The following SGCD variants were observed in gnomAD, a reference collection of about 807,000 sequenced individuals.
SGCD encodes the protein delta-sarcoglycan.
In SGCD, 18 loss-of-function variants were observed where a neutral mutation model predicts 36.6. The observed-to-expected ratio is 0.49, with a 90% confidence interval of 0.34 to 0.73. The LOEUF (loss-of-function observed/expected upper bound fraction) is 0.73. Among genes scored for constraint, SGCD ranks in the 30% least tolerant of loss-of-function variants. The pLI, the probability that SGCD is intolerant of heterozygous loss-of-function variation, is 0.01. For missense variants in SGCD, 387 were observed against 346.7 expected (o/e 1.12, Z -0.92); for synonymous variants, 133 against 130.6 (o/e 1.02, Z -0.12).
At chr5:156,345,964 G>T (rs1320427089) in intron 3 of SGCD, among the ~76,000 whole-genome samples, 2 of 151,880 alleles carry the variant, frequency 1.3e-5, no homozygotes, top group Admixed American at 6.6e-5. Context: ...TGCTACTCCT[G>T]TAGTTCCATT....
Position 155,930,473 on chromosome 5 carries a change from C to A in SGCD, c.-282+60049C>A, listed in dbSNP as rs530034661. Among the ~76,000 whole-genome samples the A allele has an allele frequency of 2.5e-3, 374 of 152,296 alleles. 2 individuals carry two copies. The highest frequency in any genetic ancestry group is 4.5e-3 in the Non-Finnish European group (303 of 68,008). ...GAAGAGAGTGAATTAGAAAGAAAAA[C>A]ACACAATAGGTTCTCTGATATTGTT... On this transcript the variant is annotated intron_variant, in intron 1 of 9. Coordinates refer to the SGCD transcript ENST00000517913.
chr5:156,251,608 C>CCG, intron 3 of SGCD, among the ~76,000 whole-genome samples: 1 of 151,820 alleles, frequency 6.6e-6, no homozygotes, highest in Admixed American at 6.6e-5. Flanking sequence ...TCTGCCTCTG[C>CCG]GGTTCAAGCC....
At position 156,576,572 on chromosome 5, in the gene SGCD, C is replaced by T. The variant is rs180876969; in HGVS notation, c.295-12659C>T. Among the ~76,000 whole-genome samples, 174 of 152,318 alleles carry T rather than the reference C, an allele frequency of 1.1e-3. 1 individual carries two copies. The highest frequency in any genetic ancestry group is 6.8e-3 in the Middle Eastern group (2 of 294). Reference sequence around the variant, plus strand: ...TAAAAGCGTTCCTATTTCTCCACATCCTCTCCAGCACTTGTTGTTTCCCAA... The same window carrying T: ...TAAAAGCGTTCCTATTTCTCCACATTCTCTCCAGCACTTGTTGTTTCCCAA... On this transcript the variant is annotated intron_variant, in intron 4 of 8. Coordinates refer to ENST00000337851, the MANE Select transcript of SGCD (RefSeq NM_000337.6).
chr5:156,408,217 G>C (rs536648693), intron 3 of SGCD, among the ~76,000 whole-genome samples: 47 of 152,178 alleles, frequency 3.1e-4, no homozygotes, highest in Non-Finnish European at 6.0e-4. Context: ...ATTTTACAAG[G>C]GATAAGAGGA....
At chr5:156,205,652 T>C (rs765031101) in intron 3 of SGCD, among the ~76,000 whole-genome samples, 17 of 152,094 alleles carry the variant, frequency 1.1e-4, no homozygotes, top group Non-Finnish European at 1.9e-4. Flanking sequence ...AAAGTGCAAC[T>C]TGGATATATA....
At chr5:156,408,637 G>C (rs148547665) in intron 3 of SGCD, among the ~76,000 whole-genome samples, 2,450 of 152,258 alleles carry the variant, frequency 0.016, 70 homozygotes, top group African/African-American at 0.057. Context: ...GGGATTACAG[G>C]CGTGAACCAC....
intron 1 of SGCD, among the ~76,000 whole-genome samples, chr5:156,008,309 C>T (rs571806566): frequency 6.6e-6 from 1 of 152,266 alleles, no homozygotes; most frequent in East Asian, 1.9e-4. Context: ...CCTTGACTTA[C>T]AGCTGATATG....
the SGCD span, among the ~76,000 whole-genome samples, chr5:155,827,672 C>CTTT: frequency 5.3e-4 from 34 of 64,438 alleles, no homozygotes; most frequent in African/African-American, 1.4e-3. Flanking sequence ...CTAAATAATT[C>CTTT]TTTTTTTTTT....
At chr5:156,696,418 T>C (rs1754319426) in intron 7 of SGCD, among the ~76,000 whole-genome samples, 1 of 152,216 alleles carries the variant, frequency 6.6e-6, no homozygotes, top group Admixed American at 6.5e-5. Context: ...CATAAATATG[T>C]ATGCTTGGAG....
intron 1 of SGCD, among the ~76,000 whole-genome samples, chr5:156,086,577 G>A (rs796077645): frequency 2.2e-4 from 34 of 152,272 alleles, no homozygotes; most frequent in African/African-American, 7.5e-4. Context: ...TGAATGGGCT[G>A]GCATCATACC....
intron 1 of SGCD, among the ~76,000 whole-genome samples, chr5:155,998,001 G>A (rs1421352766): frequency 6.6e-6 from 1 of 152,182 alleles, no homozygotes; most frequent in Non-Finnish European, 1.5e-5. Context: ...CTTAGAATAT[G>A]AGGTTTGGAA....
the SGCD span, among the ~76,000 whole-genome samples, chr5:155,838,491 G>A: frequency 1.3e-5 from 2 of 151,930 alleles, no homozygotes; most frequent in African/African-American, 2.4e-5. Context: ...CATTTAATAT[G>A]TTCCTCTGTG....
chr5:155,740,427 A>T, the SGCD span, among the ~76,000 whole-genome samples: 1 of 152,200 alleles, frequency 6.6e-6, no homozygotes, highest in Admixed American at 6.6e-5. Flanking sequence ...AAAAATAGCA[A>T]TGAAAAGCAT....
chr5:156,095,916 T>C (rs763773099), intron 1 of SGCD, among the ~76,000 whole-genome samples: 4 of 152,032 alleles, frequency 2.6e-5, no homozygotes, highest in African/African-American at 4.8e-5. Flanking sequence ...AAAGCAGAGC[T>C]CAAGTGACAT....
chr5:156,720,990 T>C (rs1755467844), intron 7 of SGCD, among the ~76,000 whole-genome samples: 1 of 152,114 alleles, frequency 6.6e-6, no homozygotes, highest in African/African-American at 2.4e-5. Context: ...AATGCAGAGA[T>C]AATGGGATTT....
chr5:156,162,834 A>C (rs894486086), intron 3 of SGCD, among the ~76,000 whole-genome samples: 4 of 151,638 alleles, frequency 2.6e-5, no homozygotes, highest in African/African-American at 9.8e-5. Context: ...TATGAACCAT[A>C]ATTCCCCTTG....
intron 3 of SGCD, among the ~76,000 whole-genome samples, chr5:156,210,863 A>G (rs1561566855): frequency 6.6e-6 from 1 of 152,258 alleles, no homozygotes; most frequent in South Asian, 2.1e-4. Flanking sequence ...TTCCAGAAGT[A>G]AAAGAGAGAG....
chr5:156,084,584 A>AT (rs34156495), intron 1 of SGCD, among the ~76,000 whole-genome samples: 179 of 151,566 alleles, frequency 1.2e-3, no homozygotes, highest in Non-Finnish European at 2.2e-3. Flanking sequence ...ATATTCTAAG[A>AT]TTTTTTTTTG....
At chr5:156,310,845 A>G (rs1366501128) in intron 3 of SGCD, among the ~76,000 whole-genome samples, 1 of 152,202 alleles carries the variant, frequency 6.6e-6, no homozygotes, top group Non-Finnish European at 1.5e-5. Context: ...TAAGAGACAA[A>G]CATATAAAAC....
Sources: gnomAD v4.1 joint callset for allele counts (sites outside exome capture counted in the v4.1 genomes callset) on GRCh38, gnomAD v4.1.1 for gene constraint, MANE v1.5 for transcripts, NCBI Gene and HGNC (gene_info 2026-07-23, HGNC 2026-07-21) for gene names.